The following LRRC27 variants were observed in gnomAD, a reference collection of about 807,000 sequenced individuals.
The protein encoded by LRRC27 is leucine rich repeat containing 27, also known as leucine-rich repeat-containing protein 27.
A neutral mutation model predicts 55.0 loss-of-function variants in LRRC27; 57 were observed. The ratio of observed to expected loss-of-function variants is 1.04; its 90% CI spans 0.84 to 1.29. The LOEUF is 1.29. LRRC27 is among the 50% of genes most tolerant of loss of function. The pLI, the probability that LRRC27 is intolerant of heterozygous loss-of-function variation, is 0.00. For missense variants in LRRC27, 721 were observed against 651.5 expected, an observed-to-expected ratio of 1.11 and a Z score of -1.16; for synonymous variants, 278 against 251.9, an observed-to-expected ratio of 1.10 and a Z score of -0.98.
At chr10:132,345,339 T>A (rs1294128338) in intron 5 of LRRC27, among the ~76,000 whole-genome samples, 2 of 152,214 alleles carry the variant, frequency 1.3e-5, no homozygotes, top group Non-Finnish European at 2.9e-5. Context: ...TTTGGAACAT[T>A]AGCCAAGGTG....
In LRRC27 at chr10:132,344,624, C is replaced by T. The variant is rs2067587848; in HGVS notation, c.527C>T (p.Ser176Phe). 5 of 1,613,948 alleles carry T rather than the reference C, an allele frequency of 3.1e-6. No homozygotes were observed. The highest frequency in any genetic ancestry group is 1.3e-5 in the African/African-American group (1 of 74,940). The change falls in exon 5 of 11, where the codon TCT becomes TTT. Residue 176 changes from serine to phenylalanine, a missense_variant. Ser to Phe is a radical substitution (Grantham distance 155, BLOSUM62 -2). Coordinates refer to ENST00000368614, the MANE Select transcript of LRRC27 (RefSeq NM_030626.3). ...RFLRMWAVEH[S>F]LPRNPTSQEA... ...CTGCGGATGTGGGCAGTAGAACACTCTCTCCCCAGAAATCCAACTTCTCAA... is the reference window on the plus strand; with the variant it reads ...CTGCGGATGTGGGCAGTAGAACACTTTCTCCCCAGAAATCCAACTTCTCAA...
rs113907150 is a variant in LRRC27, at chr10:132,380,833, C to T, written c.*5591C>T. Among the ~76,000 whole-genome samples, 4,638 of 152,130 alleles carry T rather than the reference C, an allele frequency of 0.03. 220 individuals are homozygous for T. The highest frequency in any genetic ancestry group is 0.1 in the African/African-American group (4,163 of 41,460). The stretch of plus-strand genomic sequence containing the variant: ...AAAAGTTGAATTTCTTGATATGTTC[C>T]GTAGATTGAGGTTTACAGCTGCGGT... On this transcript the variant is annotated 3_prime_UTR_variant, in exon 11 of 11. Transcript: ENST00000368614.
intron 2 of LRRC27, among the ~76,000 whole-genome samples, chr10:132,336,216 TG>T (rs113218316): frequency 0.09 from 13,669 of 151,784 alleles, 795 homozygotes; most frequent in African/African-American, 0.17. Flanking sequence ...CAGCTTGCCC[TG>T]GGGGGGGAAG....
rs1042484032 is a variant in LRRC27, at chr10:132,372,541, C to T, written c.1417-2525C>T. Among the ~76,000 whole-genome samples the T allele has an allele frequency of 2.0e-5, 3 of 152,230 alleles. No homozygotes were observed. The highest frequency in any genetic ancestry group is 4.8e-5 in the African/African-American group (2 of 41,464). ...TGAGATGGCACCATCGCACTCCAGCCTGGGCAACAAGAGCGAAACTCCATT... is the reference window on the plus strand; with the variant it reads ...TGAGATGGCACCATCGCACTCCAGCTTGGGCAACAAGAGCGAAACTCCATT... On this transcript the variant is annotated intron_variant, in intron 10 of 10. Coordinates refer to ENST00000368614, the MANE Select transcript of LRRC27 (RefSeq NM_030626.3). The surrounding 1 kb of genome is among the most constrained non-coding windows in gnomAD (Gnocchi z 4.0).
At chr10:132,346,419 G>T (rs1008135448) in intron 5 of LRRC27, among the ~76,000 whole-genome samples, 1 of 152,208 alleles carries the variant, frequency 6.6e-6, no homozygotes, top group East Asian at 1.9e-4. Context: ...GCTCACGCCT[G>T]TGATCCCAGC....
chr10:132,331,724 C>G, upstream of LRRC27: 3 of 1,612,544 alleles, frequency 1.9e-6, no homozygotes, highest in Non-Finnish European at 2.5e-6. Flanking sequence ...GCTCCCCAGA[C>G]GGCACTTAGC....
intron 8 of LRRC27, among the ~76,000 whole-genome samples, chr10:132,359,205 G>C (rs549840141): frequency 6.6e-6 from 1 of 152,206 alleles, no homozygotes; most frequent in South Asian, 2.1e-4. Context: ...CATGGAGGCT[G>C]CTGCCACCAG....
At chr10:132,347,162 T>G (rs1396829227) in intron 5 of LRRC27, among the ~76,000 whole-genome samples, 1 of 152,240 alleles carries the variant, frequency 6.6e-6, no homozygotes, top group Non-Finnish European at 1.5e-5. Flanking sequence ...AAACAAAGAT[T>G]CTAAGTGATC....
At chr10:132,340,510 G>C (rs994059766) in intron 3 of LRRC27, among the ~76,000 whole-genome samples, 7 of 152,120 alleles carry the variant, frequency 4.6e-5, no homozygotes, top group African/African-American at 1.7e-4. Context: ...GGAGGCCTCT[G>C]TTCACCTTAT....
chr10:132,344,649 A>G lies in LRRC27; in HGVS notation c.552A>G (p.Gln184=). The change falls in exon 5 of 11, where the codon CAA becomes CAG. Residue 184 remains glutamine (Q), a splice_region_variant and synonymous_variant. Transcript: ENST00000368614. ...EHSLPRNPTS[Q]EAPPVREMTL... ...CTCTCCCCAGAAATCCAACTTCTCAAGGTTTGTAGGAGGTGATTTATGACA... is the reference window on the plus strand; with the variant it reads ...CTCTCCCCAGAAATCCAACTTCTCAGGGTTTGTAGGAGGTGATTTATGACA... 2 of 1,613,534 alleles carry G rather than the reference A, an allele frequency of 1.2e-6. No individual in the cohort carries two copies. The highest frequency in any genetic ancestry group is 4.5e-5 in the East Asian group (2 of 44,870).
At chr10:132,345,788 A>T (rs2067655744) in intron 5 of LRRC27, among the ~76,000 whole-genome samples, 1 of 152,184 alleles carries the variant, frequency 6.6e-6, no homozygotes, top group Non-Finnish European at 1.5e-5. Flanking sequence ...CACAGGGAGC[A>T]CAGGAGACAC....
intron 8 of LRRC27, among the ~76,000 whole-genome samples, chr10:132,360,990 T>G (rs1442169913): frequency 6.6e-6 from 1 of 152,176 alleles, no homozygotes; most frequent in Non-Finnish European, 1.5e-5. Context: ...GGTGCTAGCC[T>G]CCTCCTGCCT....
chr10:132,361,183 AC>A (rs2133038623), intron 8 of LRRC27, among the ~76,000 whole-genome samples: 1 of 152,108 alleles, frequency 6.6e-6, no homozygotes, highest in Non-Finnish European at 1.5e-5. Context: ...CTTCCGAGCT[AC>A]CCCAGGGTCC....
rs192314446 is a variant in LRRC27, at chr10:132,374,045, G to A, written c.1417-1021G>A. Among the ~76,000 whole-genome samples, 483 of 152,152 alleles carry A rather than the reference G, an allele frequency of 3.2e-3. 3 individuals carry two copies. Among genetic ancestry groups the A allele is most frequent in the South Asian group, 1.0e-2 (48 of 4,822 alleles). Reference sequence around the variant, plus strand: ...TCTAGCCCACAGTTACGATATGGGGGCGGGGGAGGCTGCAGGGGTCTCCGG... The same window carrying A: ...TCTAGCCCACAGTTACGATATGGGGACGGGGGAGGCTGCAGGGGTCTCCGG... On this transcript the variant is annotated intron_variant, in intron 10 of 10. Transcript: ENST00000368614. This position sits in a 1 kb window ranked among gnomAD's most constrained non-coding sequence, Gnocchi z 4.4.
chr10:132,366,826 G>T (rs990741183), intron 10 of LRRC27: 1 of 1,259,708 alleles, frequency 7.9e-7, no homozygotes, highest in African/African-American at 1.5e-5. Context: ...CACCATTTCC[G>T]CTGTTTCCCT....
intron 8 of LRRC27, among the ~76,000 whole-genome samples, chr10:132,360,479 C>T (rs1223019380): frequency 6.6e-6 from 1 of 152,212 alleles, no homozygotes; most frequent in Non-Finnish European, 1.5e-5. Flanking sequence ...AGCTCTCAGT[C>T]AGCCAAGAGT....
intron 3 of LRRC27, among the ~76,000 whole-genome samples, chr10:132,340,106 A>T (rs1055154062): frequency 1.3e-5 from 2 of 152,210 alleles, no homozygotes; most frequent in African/African-American, 4.8e-5. Context: ...CAGAGAGAAG[A>T]TGTAGGAAGC....
chr10:132,343,761 A>G (rs939386989), intron 4 of LRRC27, among the ~76,000 whole-genome samples: 5 of 152,236 alleles, frequency 3.3e-5, no homozygotes, highest in African/African-American at 1.2e-4. Context: ...CCAAGCATCC[A>G]TCTTTCACAC....
At chr10:132,351,347 G>C in intron 6 of LRRC27, 2 of 412,190 alleles carry the variant, frequency 4.9e-6, no homozygotes, top group Non-Finnish European at 8.9e-6. Flanking sequence ...TTCCCAAGCC[G>C]ACTGTCAAGC....
Sources: allele counts gnomAD v4.1 joint callset (sites outside exome capture counted in the v4.1 genomes callset), GRCh38; gene constraint gnomAD v4.1.1; non-coding constraint Gnocchi (gnomAD v3.1); transcripts MANE v1.5; gene names NCBI Gene and HGNC (gene_info 2026-07-23, HGNC 2026-07-21).